ZNF804B: variants seen among roughly 807,000 people sequenced by gnomAD.
ZNF804B encodes zinc finger 804B.
A neutral mutation model predicts 101.4 loss-of-function variants in ZNF804B; 80 were observed. That is an observed-to-expected ratio of 0.79 (90% confidence interval 0.66 to 0.95). The LOEUF (loss-of-function observed/expected upper bound fraction) is 0.95. ZNF804B is among the 40% of genes least tolerant of loss of function. The probability of loss-of-function intolerance (pLI) is 0.00; values close to 1 mark genes in which losing one functional copy is unlikely to be tolerated. For missense variants in ZNF804B, 1,673 were observed against 1,561.9 expected, an observed-to-expected ratio of 1.07 and a Z score of -1.20; for synonymous variants, 622 against 558.8, an observed-to-expected ratio of 1.11 and a Z score of -1.59.
chr7:88,971,320 A>G (rs1793534609), intron 1 of ZNF804B, among the ~76,000 whole-genome samples: 1 of 151,686 alleles, frequency 6.6e-6, no homozygotes, highest in Non-Finnish European at 1.5e-5. Context: ...TCATTCAGCC[A>G]TATCAAATGT....
intron 1 of ZNF804B, among the ~76,000 whole-genome samples, chr7:89,210,328 G>T (rs1418095397): frequency 2.6e-5 from 4 of 152,028 alleles, no homozygotes; most frequent in African/African-American, 4.8e-5. Context: ...AATTAAATTT[G>T]CTAGCTTTAT....
intron 1 of ZNF804B, among the ~76,000 whole-genome samples, chr7:88,891,747 CT>C (rs1009788886): frequency 2.3e-4 from 35 of 149,718 alleles, no homozygotes; most frequent in African/African-American, 5.7e-4. Context: ...TTTGATGTTT[CT>C]TTTTTTTATA....
chr7:88,794,429 T>C, intron 1 of ZNF804B: 2 of 1,613,834 alleles, frequency 1.2e-6, no homozygotes, highest in South Asian at 2.2e-5. Flanking sequence ...AGAAAATCTG[T>C]GATGACCTCC....
chr7:89,249,842 C>T (rs1789512327), intron 2 of ZNF804B, among the ~76,000 whole-genome samples: 2 of 151,916 alleles, frequency 1.3e-5, no homozygotes, highest in Admixed American at 1.3e-4. Context: ...ATTTATGAAA[C>T]CAAAAGTTGG....
chr7:89,141,676 C>T (rs1169625974), intron 1 of ZNF804B, among the ~76,000 whole-genome samples: 2 of 151,898 alleles, frequency 1.3e-5, no homozygotes, highest in Non-Finnish European at 2.9e-5. Context: ...TATATTCCTA[C>T]CAGCAATGTC....
At chr7:88,813,049 C>T (rs1427367394) in intron 1 of ZNF804B, among the ~76,000 whole-genome samples, 4 of 151,480 alleles carry the variant, frequency 2.6e-5, no homozygotes, top group African/African-American at 9.7e-5. Flanking sequence ...GTGGTTTTTA[C>T]CACAATTAAA....
chr7:89,163,085 A>C (rs889692618), intron 1 of ZNF804B, among the ~76,000 whole-genome samples: 6 of 152,090 alleles, frequency 3.9e-5, no homozygotes, highest in African/African-American at 1.4e-4. Flanking sequence ...AGTTAAAGCC[A>C]CAGATTTTTT....
At chr7:88,931,095 G>A (rs1792878675) in intron 1 of ZNF804B, among the ~76,000 whole-genome samples, 1 of 151,854 alleles carries the variant, frequency 6.6e-6, no homozygotes, top group Non-Finnish European at 1.5e-5. Flanking sequence ...TTTTGCCTCA[G>A]TGAGTCAGTT....
At chr7:89,206,103 C>A (rs1448543138) in intron 1 of ZNF804B, among the ~76,000 whole-genome samples, 1 of 152,220 alleles carries the variant, frequency 6.6e-6, no homozygotes, top group Non-Finnish European at 1.5e-5. Context: ...CCACTTTTAG[C>A]CATGGCTGGA....
intron 1 of ZNF804B, among the ~76,000 whole-genome samples, chr7:89,213,648 T>G (rs933675821): frequency 3.3e-5 from 5 of 152,262 alleles, no homozygotes; most frequent in African/African-American, 1.2e-4. Flanking sequence ...AACCCACAAA[T>G]GAGTTAGCGG....
intron 1 of ZNF804B, among the ~76,000 whole-genome samples, chr7:88,935,661 C>T (rs984187796): frequency 6.6e-6 from 1 of 151,808 alleles, no homozygotes; most frequent in African/African-American, 2.4e-5. Flanking sequence ...ACTCAATGTC[C>T]AAGATGCCAT....
rs1562799802 is a variant in ZNF804B, at chr7:88,809,351, CTATCTACCTAT to C, written c.108+49268_108+49278del. Reference sequence around the variant, plus strand: ...TCTATCTATCTATCTATCTATCTATCTATCTACCTATCTATCTACCTACCTACTTACTTACC... The same window carrying C: ...TCTATCTATCTATCTATCTATCTATCCTATCTACCTACCTACTTACTTACC... On this transcript the variant is annotated intron_variant, in intron 1 of 3. Transcript: ENST00000333190. Among the ~76,000 whole-genome samples, 330 of 150,364 alleles carry C rather than the reference CTATCTACCTAT, an allele frequency of 2.2e-3. 3 individuals are homozygous for C. Among genetic ancestry groups the C allele is most frequent in the African/African-American group, 7.5e-3 (306 of 40,568 alleles).
At chr7:88,827,369 A>G (rs1191025474) in intron 1 of ZNF804B, among the ~76,000 whole-genome samples, 1 of 151,830 alleles carries the variant, frequency 6.6e-6, no homozygotes, top group African/African-American at 2.4e-5. Context: ...CATTCAGCTT[A>G]AAATATTTGT....
At chr7:89,179,962 CAG>C (rs151147182) in intron 1 of ZNF804B, among the ~76,000 whole-genome samples, 6,474 of 152,232 alleles carry the variant, frequency 0.043, 144 homozygotes, top group Middle Eastern at 0.11. Flanking sequence ...GATTATCATT[CAG>C]AGTCTCTTGT....
intron 1 of ZNF804B, among the ~76,000 whole-genome samples, chr7:88,957,691 T>C (rs1481768728): frequency 6.6e-6 from 1 of 151,284 alleles, no homozygotes; most frequent in African/African-American, 2.4e-5. Context: ...AAAAAAGTAT[T>C]ATTTTGAACT....
At chr7:88,968,459 A>T (rs563149339) in intron 1 of ZNF804B, among the ~76,000 whole-genome samples, 71 of 151,634 alleles carry the variant, frequency 4.7e-4, no homozygotes, top group African/African-American at 1.6e-3. Context: ...CTCTCTTACT[A>T]TCCTGATGGA....
At chr7:89,330,824 G>A (rs1188156231) in intron 3 of ZNF804B, among the ~76,000 whole-genome samples, 1 of 150,982 alleles carries the variant, frequency 6.6e-6, no homozygotes, top group Non-Finnish European at 1.5e-5. Flanking sequence ...AAAACAATAA[G>A]AGCAAAGAAA....
intron 1 of ZNF804B, among the ~76,000 whole-genome samples, chr7:88,920,764 A>G (rs757824329): frequency 6.6e-6 from 1 of 152,136 alleles, no homozygotes; most frequent in African/African-American, 2.4e-5. Flanking sequence ...AGATACAGAT[A>G]TTAATTAATT....
intron 1 of ZNF804B, among the ~76,000 whole-genome samples, chr7:88,917,737 A>G (rs1223385536): frequency 1.3e-5 from 2 of 152,180 alleles, no homozygotes; most frequent in Non-Finnish European, 2.9e-5. Flanking sequence ...TATAATACAC[A>G]AAAGAGGGAT....
Sources: gnomAD v4.1 joint callset for allele counts (sites outside exome capture counted in the v4.1 genomes callset) on GRCh38, gnomAD v4.1.1 for gene constraint, MANE v1.5 for transcripts, NCBI Gene and HGNC (gene_info 2026-07-23, HGNC 2026-07-21) for gene names.